Variants in SLC9B1 observed in about 807,000 individuals in gnomAD.
SLC9B1 encodes sodium/hydrogen exchanger 9B1.
Under a neutral mutation model 51.7 loss-of-function variants are expected in SLC9B1, and 32 were observed. The observed-to-expected ratio is 0.62, with a 90% confidence interval of 0.47 to 0.83. The LOEUF is 0.83. Ranked by LOEUF, SLC9B1 falls within the 40% of genes least tolerant of loss-of-function variation. The pLI is 0.00. For synonymous variants in SLC9B1, 145 were observed against 212.7 expected (o/e 0.68, Z 2.77); for missense variants, 406 against 613.2 (o/e 0.66, Z 3.57).
intron 6 of SLC9B1, among the ~76,000 whole-genome samples, chr4:102,940,107 T>C (rs936368698): frequency 1.3e-5 from 2 of 152,138 alleles, no homozygotes; most frequent in African/African-American, 4.8e-5. Flanking sequence ...GAAAACCCCA[T>C]AGTAGCCTCT....
intron 3 of SLC9B1, among the ~76,000 whole-genome samples, chr4:102,982,083 G>A (rs191846604): frequency 6.6e-6 from 1 of 151,486 alleles, no homozygotes; most frequent in Admixed American, 6.6e-5. Context: ...AAGTTTTAAG[G>A]TCTATGTATA....
chr4:102,980,253 C>T (rs962830236), intron 3 of SLC9B1, among the ~76,000 whole-genome samples: 3 of 151,952 alleles, frequency 2.0e-5, no homozygotes, highest in Admixed American at 2.0e-4. Context: ...GGGTATATAC[C>T]CAAAGGAATA....
At chr4:102,973,452 A>G (rs541641001) in intron 3 of SLC9B1, among the ~76,000 whole-genome samples, 135 of 152,304 alleles carry the variant, frequency 8.9e-4, no homozygotes, top group African/African-American at 3.0e-3. Context: ...CTCAACCTTG[A>G]AGAAACTTAA....
intron 3 of SLC9B1, among the ~76,000 whole-genome samples, chr4:102,954,539 T>A (rs537423165): frequency 4.9e-4 from 74 of 151,716 alleles, no homozygotes; most frequent in Admixed American, 8.6e-4. Context: ...TCAGTACTTA[T>A]CAGCAACAAT....
At chr4:102,969,638 T>C (rs1191588501) in intron 3 of SLC9B1, among the ~76,000 whole-genome samples, 1 of 152,152 alleles carries the variant, frequency 6.6e-6, no homozygotes, top group Admixed American at 6.5e-5. Flanking sequence ...GAGAATGACT[T>C]TGACGAGTTG....
chr4:102,885,152 T>C, exon 12 of SLC9B1: 1 of 312,802 alleles, frequency 3.2e-6, no homozygotes, highest in East Asian at 9.1e-5. Context: ...AGGATGAAAC[T>C]AGACATGCTA....
chr4:102,976,160 T>G (rs972253590), intron 3 of SLC9B1, among the ~76,000 whole-genome samples: 1 of 152,216 alleles, frequency 6.6e-6, no homozygotes, highest in African/African-American at 2.4e-5. Context: ...TTGAATACGA[T>G]GCAGACAGAA....
At chr4:102,981,180 A>G (rs1013580717) in intron 3 of SLC9B1, among the ~76,000 whole-genome samples, 3 of 152,066 alleles carry the variant, frequency 2.0e-5, no homozygotes, top group Admixed American at 6.6e-5. Context: ...TTGATAGGTC[A>G]TTTCTTTTCA....
chr4:102,981,762 C>T (rs1361308650), intron 3 of SLC9B1, among the ~76,000 whole-genome samples: 6 of 152,042 alleles, frequency 3.9e-5, no homozygotes, highest in Admixed American at 3.9e-4. Context: ...CAGTCTTTAT[C>T]AAATATGTCC....
intron 10 of SLC9B1, 158 bp downstream of exon 10, chr4:102,906,378 G>A (rs1329478295): frequency 9.1e-6 from 4 of 441,764 alleles, no homozygotes; most frequent in Non-Finnish European, 1.6e-5. Flanking sequence ...AGCACCCAGT[G>A]TAAAGGAAGA....
intron 3 of SLC9B1, among the ~76,000 whole-genome samples, chr4:102,954,091 T>A (rs1361212198): frequency 2.5e-5 from 1 of 40,354 alleles, no homozygotes; most frequent in Non-Finnish European, 4.1e-5. Context: ...CCATTCAGTA[T>A]GATATTGGCT....
chr4:103,015,933 C>T (rs924258242), intron 1 of SLC9B1, among the ~76,000 whole-genome samples: 2 of 151,766 alleles, frequency 1.3e-5, no homozygotes, highest in Non-Finnish European at 1.5e-5. Context: ...GAGTTCAAGA[C>T]CAGCCTGGCC....
downstream of SLC9B1, among the ~76,000 whole-genome samples, chr4:102,900,619 G>A (rs528532272): frequency 1.3e-5 from 2 of 152,230 alleles, no homozygotes; most frequent in South Asian, 2.1e-4. Flanking sequence ...ACCAAAACCA[G>A]AATTTAAAAT....
At chr4:102,913,853 A>G (rs1423272559) in intron 7 of SLC9B1, among the ~76,000 whole-genome samples, 1 of 151,634 alleles carries the variant, frequency 6.6e-6, no homozygotes, top group East Asian at 1.9e-4. Flanking sequence ...AAGGAATACA[A>G]CAGCTCAATT....
intron 6 of SLC9B1, among the ~76,000 whole-genome samples, chr4:102,933,279 T>C (rs1361195462): frequency 6.6e-6 from 1 of 152,206 alleles, no homozygotes; most frequent in Non-Finnish European, 1.5e-5. Context: ...CATCTGCCAA[T>C]GACTGACTGA....
At chr4:102,961,990 G>A in intron 3 of SLC9B1, 1 of 262,742 alleles carries the variant, frequency 3.8e-6, no homozygotes, top group Non-Finnish European at 7.4e-6. Context: ...GTGGCAGACT[G>A]TGGCATCAGG....
chr4:102,914,767 T>C (rs1735501779), intron 7 of SLC9B1, among the ~76,000 whole-genome samples: 1 of 151,952 alleles, frequency 6.6e-6, no homozygotes, highest in African/African-American at 2.4e-5. Flanking sequence ...AGCAGACCAA[T>C]GTATGTATTA....
chr4:102,895,131 T>C (rs1734474525), intron 11 of SLC9B1, among the ~76,000 whole-genome samples: 1 of 152,042 alleles, frequency 6.6e-6, no homozygotes, highest in Admixed American at 6.6e-5. Context: ...GCACCTACTA[T>C]AGAACTATTG....
intron 7 of SLC9B1, among the ~76,000 whole-genome samples, chr4:102,922,582 C>T (rs1485823161): frequency 1.3e-5 from 2 of 151,934 alleles, no homozygotes; most frequent in Admixed American, 1.3e-4. Flanking sequence ...GAGATACAGA[C>T]ACAAAAAACC....
Sources: allele counts gnomAD v4.1 joint callset (sites outside exome capture counted in the v4.1 genomes callset), GRCh38; gene constraint gnomAD v4.1.1; transcripts MANE v1.5; gene names NCBI Gene and HGNC (gene_info 2026-07-23, HGNC 2026-07-21).